The following ASTN2 variants were observed in gnomAD, a reference collection of about 807,000 sequenced individuals.
The protein encoded by ASTN2 is astrotactin 2, also known as astrotactin-2.
In ASTN2, 54 loss-of-function variants were observed where a neutral mutation model predicts 139.8. That is an observed-to-expected ratio of 0.39 (90% CI 0.31 to 0.48). The LOEUF (loss-of-function observed/expected upper bound fraction) is 0.48, where lower values mean the gene tolerates loss of function less well. Among genes scored for constraint, ASTN2 ranks in the 20% least tolerant of loss-of-function variants. The pLI is 0.95. For synonymous variants in ASTN2, 756 were observed against 719.5 expected (o/e 1.05, Z -0.81); for missense variants, 1,565 against 1,725.1 (o/e 0.91, Z 1.64).
At chr9:116,756,770 A>AACACACACACACACACACACAC (rs111716372) in intron 13 of ASTN2, among the ~76,000 whole-genome samples, 5 of 148,018 alleles carry the variant, frequency 3.4e-5, no homozygotes, top group African/African-American at 1.2e-4. Context: ...CTCCGAATAA[A>AACACACACACACACACACACAC]ACACACACAC....
intron 16 of ASTN2, among the ~76,000 whole-genome samples, chr9:116,713,822 TG>T (rs1828236817): frequency 6.6e-6 from 1 of 152,180 alleles, no homozygotes; most frequent in Non-Finnish European, 1.5e-5. Context: ...TAAATGAAAT[TG>T]TGCATGTGAA....
chr9:116,975,073 AT>A, intron 10 of ASTN2, 134 bp downstream of exon 10: 2 of 867,586 alleles, frequency 2.3e-6, no homozygotes, highest in Non-Finnish European at 3.3e-6. Context: ...GTTTAGGAGC[AT>A]GGCATATTTG....
At chr9:116,978,349 T>A (rs1024866637) in intron 7 of ASTN2, among the ~76,000 whole-genome samples, 1 of 152,232 alleles carries the variant, frequency 6.6e-6, no homozygotes. Context: ...GTTGAATGAA[T>A]AATTAACTAT....
intron 7 of ASTN2, among the ~76,000 whole-genome samples, chr9:116,999,145 C>T (rs77908174): frequency 0.04 from 6,121 of 152,238 alleles, 199 homozygotes; most frequent in East Asian, 0.15. Flanking sequence ...ATTCAATTTG[C>T]TATAAATGCC....
chr9:117,118,358 CT>C (rs1343891776), intron 4 of ASTN2, among the ~76,000 whole-genome samples: 1 of 151,986 alleles, frequency 6.6e-6, no homozygotes, highest in East Asian at 1.9e-4. Context: ...TCACTGATCC[CT>C]TTTTTTCCTC....
Position 116,620,345 on chromosome 9 carries a change from A to T in ASTN2, c.3171T>A (p.Asn1057Lys). Residue 1057 changes from asparagine to lysine, a missense_variant, in exon 18 of 23, where the codon AAT becomes AAA. Coordinates refer to ENST00000313400, the MANE Select transcript of ASTN2 (RefSeq NM_001365068.1). ...CRCDLSAFDANGLPNCSPLLQ... is the reference protein window; with the variant it reads ...CRCDLSAFDAKGLPNCSPLLQ... ...GAAGGGGGCTGCAGTTGGGGAGCCC[A>T]TTGGCATCAAAGGCGCTGAGGTCAC... 1 of 1,614,148 alleles carries T rather than the reference A, an allele frequency of 6.2e-7. No homozygotes were observed. The highest frequency in any genetic ancestry group is 8.5e-7 in the Non-Finnish European group (1 of 1,180,028).
chr9:117,255,007 A>T (rs534280430), intron 2 of ASTN2, among the ~76,000 whole-genome samples: 1 of 152,362 alleles, frequency 6.6e-6, no homozygotes, highest in South Asian at 2.1e-4. Flanking sequence ...AGCGAAGAAC[A>T]TCTAAATTAA....
At chr9:117,060,352 A>AAGAAAGAG (rs1839214954) in intron 5 of ASTN2, among the ~76,000 whole-genome samples, 1 of 63,128 alleles carries the variant, frequency 1.6e-5, no homozygotes, top group Non-Finnish European at 2.8e-5. Flanking sequence ...GAGAGAAAGA[A>AAGAAAGAG]AGAAAGAAAG....
chr9:116,532,305 G>A (rs1851390917), intron 19 of ASTN2, among the ~76,000 whole-genome samples: 2 of 152,134 alleles, frequency 1.3e-5, no homozygotes, highest in African/African-American at 2.4e-5. Flanking sequence ...CTCCCATTCT[G>A]TAGGTTGCTT....
chr9:116,997,777 A>G (rs117266775), intron 7 of ASTN2, among the ~76,000 whole-genome samples: 2 of 152,348 alleles, frequency 1.3e-5, no homozygotes, highest in Non-Finnish European at 2.9e-5. Flanking sequence ...GAATAGCTAT[A>G]TAAAGTCTTT....
chr9:116,607,152 A>G (rs1855248880), intron 19 of ASTN2, among the ~76,000 whole-genome samples: 1 of 152,224 alleles, frequency 6.6e-6, no homozygotes. Context: ...GTAAGACTAC[A>G]GAAGACCCCA....
rs546272870 is a variant in ASTN2 at position 116,501,828 on chromosome 9, C to T, written c.3356-14328G>A. Among the ~76,000 whole-genome samples the T allele has an allele frequency of 2.8e-4, 42 of 151,604 alleles. No homozygotes were observed. The South Asian group carries it at 6.5e-3, about 23-fold the overall frequency. ...GTAACTAACCTGCACATTGTGCACGCGTACCCTAAAACTTAAAGTATAATA... is the reference window on the plus strand; with the variant it reads ...GTAACTAACCTGCACATTGTGCACGTGTACCCTAAAACTTAAAGTATAATA... On this transcript the variant is annotated intron_variant, in intron 19 of 22. Transcript: ENST00000313400.
At chr9:116,806,943 C>T (rs902622646) in intron 12 of ASTN2, among the ~76,000 whole-genome samples, 4 of 152,120 alleles carry the variant, frequency 2.6e-5, no homozygotes, top group Middle Eastern at 3.2e-3. Flanking sequence ...ATCATAATTT[C>T]TGCTTTACAC....
intron 20 of ASTN2, among the ~76,000 whole-genome samples, chr9:116,451,771 C>G (rs1480198625): frequency 6.6e-6 from 1 of 151,932 alleles, no homozygotes; most frequent in Admixed American, 6.6e-5. Context: ...CCTCTCCATT[C>G]TGAAAGCCTT....
At chr9:116,637,481 C>G (rs1588124236) in intron 17 of ASTN2, among the ~76,000 whole-genome samples, 1 of 152,300 alleles carries the variant, frequency 6.6e-6, no homozygotes, top group East Asian at 1.9e-4. Context: ...AAAAGGCATA[C>G]AGTATTTTTT....
chr9:116,626,816 C>T (rs1237641376), intron 17 of ASTN2, among the ~76,000 whole-genome samples: 1 of 152,006 alleles, frequency 6.6e-6, no homozygotes, highest in African/African-American at 2.4e-5. Context: ...TTGATGAACA[C>T]AGGAAGGATT....
At chr9:117,360,288 G>A (rs958360998) in intron 1 of ASTN2, among the ~76,000 whole-genome samples, 4 of 152,158 alleles carry the variant, frequency 2.6e-5, no homozygotes, top group African/African-American at 7.2e-5. Context: ...GGTAATACAG[G>A]CAATTAAATA....
intron 16 of ASTN2, among the ~76,000 whole-genome samples, chr9:116,706,261 A>G (rs1222409148): frequency 1.3e-5 from 2 of 152,200 alleles, no homozygotes; most frequent in South Asian, 2.1e-4. Flanking sequence ...GCCTACGCCA[A>G]ATAAGTGCTG....
chr9:117,361,316 C>T (rs796243342), intron 1 of ASTN2, among the ~76,000 whole-genome samples: 19 of 152,280 alleles, frequency 1.2e-4, no homozygotes, highest in East Asian at 3.9e-4. Flanking sequence ...AAGTGGGAGG[C>T]GGCCAGCATA....
Sources: allele counts gnomAD v4.1 joint callset (sites outside exome capture counted in the v4.1 genomes callset), GRCh38; gene constraint gnomAD v4.1.1; transcripts MANE v1.5; gene names NCBI Gene and HGNC (gene_info 2026-07-23, HGNC 2026-07-21).